The following GUCY1A2 variants were observed in gnomAD, a reference collection of about 807,000 sequenced individuals.
GUCY1A2 encodes the protein guanylate cyclase soluble subunit alpha-2.
A neutral mutation model predicts 63.5 loss-of-function variants in GUCY1A2; 27 were observed. That is an observed-to-expected ratio of 0.43 (90% CI 0.31 to 0.59). The LOEUF is 0.59. GUCY1A2 is among the 20% of genes least tolerant of loss of function. GUCY1A2 has a pLI of 0.11. For synonymous variants in GUCY1A2, 364 were observed against 343.5 expected (o/e 1.06, Z -0.66); for missense variants, 768 against 913.3 (o/e 0.84, Z 2.05).
chr11:106,835,546 A>G, intron 4 of GUCY1A2, among the ~76,000 whole-genome samples: 1 of 151,798 alleles, frequency 6.6e-6, no homozygotes, highest in Non-Finnish European at 1.5e-5. Context: ...AACTCCCTGA[A>G]GTAATGAAAA....
intron 4 of GUCY1A2, among the ~76,000 whole-genome samples, chr11:106,852,540 A>C (rs1859370691): frequency 6.6e-6 from 1 of 152,142 alleles, no homozygotes; most frequent in African/African-American, 2.4e-5. Context: ...ATTTTATCAA[A>C]TGCTTTTTCT....
intron 3 of GUCY1A2, among the ~76,000 whole-genome samples, chr11:106,954,987 CT>C (rs532474346): frequency 0.013 from 1,810 of 135,882 alleles, 26 homozygotes; most frequent in South Asian, 0.054. Flanking sequence ...TTTTTTTTTT[CT>C]TTTTTTTGAG....
At chr11:106,774,160 G>A (rs7941491) in intron 6 of GUCY1A2, among the ~76,000 whole-genome samples, 4 of 151,544 alleles carry the variant, frequency 2.6e-5, no homozygotes, top group African/African-American at 9.7e-5. Context: ...TTGAGATGGA[G>A]TCTCGCTCTG....
At chr11:106,900,085 C>CAAA (rs35314878) in intron 4 of GUCY1A2, among the ~76,000 whole-genome samples, 12 of 79,732 alleles carry the variant, frequency 1.5e-4, no homozygotes, top group Non-Finnish European at 2.3e-4. Context: ...GACTCCGTCT[C>CAAA]AAAAAAAAAA....
intron 1 of GUCY1A2, among the ~76,000 whole-genome samples, chr11:107,015,534 T>C (rs1861808514): frequency 8.2e-6 from 1 of 121,806 alleles, no homozygotes; most frequent in Non-Finnish European, 1.6e-5. Context: ...TGACATTACT[T>C]TTTAGAAATC....
At chr11:106,864,158 T>C (rs1859555092) in intron 4 of GUCY1A2, among the ~76,000 whole-genome samples, 1 of 151,910 alleles carries the variant, frequency 6.6e-6, no homozygotes, top group African/African-American at 2.4e-5. Context: ...GGCACGTGTA[T>C]ACCTATGTAA....
At chr11:106,737,805 G>A (rs1312710361) in intron 6 of GUCY1A2, among the ~76,000 whole-genome samples, 1 of 152,104 alleles carries the variant, frequency 6.6e-6, no homozygotes, top group African/African-American at 2.4e-5. Context: ...TGATTGATGG[G>A]CATTTGGGTT....
chr11:106,733,282 ATGTAAAATGTATTTATTATGAGT>A (rs535035347), intron 6 of GUCY1A2, among the ~76,000 whole-genome samples: 450 of 152,238 alleles, frequency 3.0e-3, no homozygotes, highest in South Asian at 7.5e-3. Context: ...CTGGGTCAGG[ATGTAAAATGTATTTATTATGAGT>A]TGTAGTCAAA....
At chr11:106,868,596 A>G (rs931300378) in intron 4 of GUCY1A2, among the ~76,000 whole-genome samples, 20 of 152,146 alleles carry the variant, frequency 1.3e-4, no homozygotes, top group Non-Finnish European at 2.2e-4. Context: ...ACTGCTCAAC[A>G]AAATAAAAGA....
chr11:106,938,896 T>C (rs1860713982), intron 4 of GUCY1A2, among the ~76,000 whole-genome samples: 3 of 152,234 alleles, frequency 2.0e-5, no homozygotes, highest in South Asian at 4.1e-4. Flanking sequence ...GATCATGTTC[T>C]AAAGCAATGA....
intron 2 of GUCY1A2, 65 bp downstream of exon 2, chr11:106,986,005 C>G: frequency 1.2e-6 from 1 of 850,254 alleles, no homozygotes; most frequent in Non-Finnish European, 2.1e-6. Context: ...ACATACTCAA[C>G]AGCTATGTTT....
intron 3 of GUCY1A2, among the ~76,000 whole-genome samples, chr11:106,943,459 A>G (rs1029141743): frequency 2.0e-5 from 3 of 152,250 alleles, no homozygotes; most frequent in Admixed American, 1.3e-4. Flanking sequence ...CACCTCTTTA[A>G]AAAGGTGAAT....
At chr11:106,727,217 A>T (rs1414690565) in intron 6 of GUCY1A2, among the ~76,000 whole-genome samples, 1 of 152,208 alleles carries the variant, frequency 6.6e-6, no homozygotes, top group Non-Finnish European at 1.5e-5. Flanking sequence ...GGGCCTGTGT[A>T]AGGTCTGAAG....
At chr11:106,873,349 T>C (rs1401811341) in intron 4 of GUCY1A2, among the ~76,000 whole-genome samples, 1 of 152,196 alleles carries the variant, frequency 6.6e-6, no homozygotes, top group African/African-American at 2.4e-5. Context: ...CACCATACTG[T>C]CTTCCACAAT....
At chr11:106,837,358 G>A (rs1437270638) in intron 4 of GUCY1A2, among the ~76,000 whole-genome samples, 4 of 152,018 alleles carry the variant, frequency 2.6e-5, no homozygotes, top group East Asian at 3.9e-4. Flanking sequence ...GTATTCCATG[G>A]TGTATATGTA....
At chr11:106,798,751 G>A (rs535862481) in intron 5 of GUCY1A2, among the ~76,000 whole-genome samples, 1 of 152,166 alleles carries the variant, frequency 6.6e-6, no homozygotes, top group South Asian at 2.1e-4. Context: ...ATTAGGTATT[G>A]ATGGGACGTA....
rs1044032841 is a variant in GUCY1A2 at position 106,718,731 on chromosome 11, G to A, written c.1837-10065C>T. Among the ~76,000 whole-genome samples, 10 of 151,794 alleles carry A rather than the reference G, an allele frequency of 6.6e-5. 1 individual carries two copies. Among genetic ancestry groups the A allele is most frequent in the African/African-American group, 1.9e-4 (8 of 41,358 alleles). On this transcript the variant is annotated intron_variant, in intron 6 of 7. Transcript: ENST00000526355. ...GAAATAACCAGCATATAACTTAGCG[G>A]TTGAAAAAAAAGATCATTTTGTGTT...
chr11:106,902,651 C>T (rs1029178779), intron 4 of GUCY1A2, among the ~76,000 whole-genome samples: 2 of 152,144 alleles, frequency 1.3e-5, no homozygotes, highest in Admixed American at 6.5e-5. Flanking sequence ...TATTTATAAT[C>T]GGCCATCAAC....
intron 6 of GUCY1A2, among the ~76,000 whole-genome samples, chr11:106,760,951 G>T (rs2135391700): frequency 6.6e-6 from 1 of 152,238 alleles, no homozygotes; most frequent in East Asian, 1.9e-4. Context: ...TGATAATAAA[G>T]AAATGACACT....
Sources: gnomAD v4.1 joint callset for allele counts (sites outside exome capture counted in the v4.1 genomes callset) on GRCh38, gnomAD v4.1.1 for gene constraint, MANE v1.5 for transcripts, NCBI Gene and HGNC (gene_info 2026-07-23, HGNC 2026-07-21) for gene names.